BICC1: variants seen among roughly 807,000 people sequenced by gnomAD.
BICC1 encodes the protein protein bicaudal C homolog 1.
Under a neutral mutation model 111.0 loss-of-function variants are expected in BICC1, and 43 were observed. The ratio of observed to expected loss-of-function variants is 0.39; its 90% CI spans 0.30 to 0.50. The LOEUF (loss-of-function observed/expected upper bound fraction) is 0.50. BICC1 is among the 20% of genes least tolerant of loss of function. The pLI is 0.88. For synonymous variants in BICC1, 467 were observed against 434.4 expected (o/e 1.07, Z -0.93); for missense variants, 1,091 against 1,203.2 (o/e 0.91, Z 1.38).
At chr10:58,663,014 T>C (rs1025129530) in intron 2 of BICC1, among the ~76,000 whole-genome samples, 6 of 152,098 alleles carry the variant, frequency 3.9e-5, no homozygotes, top group African/African-American at 1.4e-4. Flanking sequence ...ATGTCATTTT[T>C]ATTTGTAGTT....
chr10:58,665,410 C>G (rs754910551), intron 2 of BICC1, among the ~76,000 whole-genome samples: 1 of 152,078 alleles, frequency 6.6e-6, no homozygotes, highest in Non-Finnish European at 1.5e-5. Context: ...GGCTTTTCCT[C>G]TCATATCTTT....
intron 3 of BICC1, among the ~76,000 whole-genome samples, chr10:58,782,433 A>G (rs1233545153): frequency 1.3e-5 from 2 of 152,218 alleles, no homozygotes; most frequent in African/African-American, 4.8e-5. Context: ...ATGTGGTTCA[A>G]TCTGCTGTTT....
intron 3 of BICC1, among the ~76,000 whole-genome samples, chr10:58,754,112 C>T (rs1167869359): frequency 6.6e-6 from 1 of 152,086 alleles, no homozygotes; most frequent in East Asian, 1.9e-4. Flanking sequence ...TGTTTTTGGC[C>T]ACTACAGAAA....
At chr10:58,773,156 T>C (rs1237646974) in intron 3 of BICC1, among the ~76,000 whole-genome samples, 1 of 152,190 alleles carries the variant, frequency 6.6e-6, no homozygotes, top group Non-Finnish European at 1.5e-5. Flanking sequence ...AGTTGACTTG[T>C]AGAAAAACAC....
chr10:58,576,726 C>CA (rs1185269549), intron 1 of BICC1, among the ~76,000 whole-genome samples: 2 of 152,108 alleles, frequency 1.3e-5, no homozygotes, highest in African/African-American at 2.4e-5. Context: ...AATACTGTTA[C>CA]AAAAAAACCG....
intron 9 of BICC1, among the ~76,000 whole-genome samples, chr10:58,796,069 G>A (rs967795435): frequency 4.6e-5 from 7 of 152,134 alleles, no homozygotes; most frequent in African/African-American, 1.7e-4. Context: ...ATAAGGTTTT[G>A]CTGAGAATAG....
intron 1 of BICC1, among the ~76,000 whole-genome samples, chr10:58,576,756 A>G (rs932576725): frequency 2.0e-5 from 3 of 152,226 alleles, no homozygotes; most frequent in African/African-American, 7.2e-5. Flanking sequence ...GTAAGTTCAG[A>G]TGACATTGTT....
chr10:58,634,031 G>T (rs369064978), intron 2 of BICC1, among the ~76,000 whole-genome samples: 4 of 112,676 alleles, frequency 3.6e-5, no homozygotes, highest in Admixed American at 1.2e-4. Flanking sequence ...TTTTGCTCTC[G>T]TTGCCCAAGC....
intron 1 of BICC1, among the ~76,000 whole-genome samples, chr10:58,612,952 C>T (rs921364419): frequency 1.4e-5 from 2 of 143,170 alleles, no homozygotes; most frequent in African/African-American, 5.0e-5. Flanking sequence ...TGGACTTGCT[C>T]TGTAGTTTGG....
At chr10:58,659,936 A>C (rs1224215045) in intron 2 of BICC1, among the ~76,000 whole-genome samples, 1 of 152,188 alleles carries the variant, frequency 6.6e-6, no homozygotes, top group Non-Finnish European at 1.5e-5. Flanking sequence ...ATGTAGTATT[A>C]TATTGTGCTG....
rs781359432 is a variant in BICC1 at position 58,742,619 on chromosome 10, G to A, written c.307+40476G>A. ...TGCCTGGGTAATTTTTGTATTTTTA[G>A]TAGAGATGGCGTTTCACCATATTGG... On this transcript the variant is annotated intron_variant, in intron 3 of 20. Transcript: ENST00000373886. 4.7e-4 allele frequency among the ~76,000 whole-genome samples: 71 copies of A among 151,560 alleles called. 1 individual carries two copies. Among genetic ancestry groups the A allele is most frequent in the Non-Finnish European group, 4.0e-4 (27 of 67,898 alleles).
Position 58,789,506 on chromosome 10 carries a change from G to A in BICC1, c.795+50G>A, listed in dbSNP as rs746172470. On this transcript the variant is annotated intron_variant, in intron 7 of 20. Transcript: ENST00000373886. ...CATCCTATATGTACAAGTTACATGA[G>A]TTTCATTTTTAAAGAATATTAGACT... 145 of 1,536,214 alleles carry A rather than the reference G, an allele frequency of 9.4e-5. 1 individual carries two copies. Among genetic ancestry groups the A allele is most frequent in the East Asian group, 9.0e-5 (4 of 44,272 alleles).
At chr10:58,674,283 A>G (rs1275462550) in intron 2 of BICC1, among the ~76,000 whole-genome samples, 2 of 150,494 alleles carry the variant, frequency 1.3e-5, no homozygotes, top group Non-Finnish European at 3.0e-5. Flanking sequence ...GTTACCATTT[A>G]TCCTTGTCAT....
chr10:58,600,956 G>C (rs932921116), intron 1 of BICC1, among the ~76,000 whole-genome samples: 4 of 151,612 alleles, frequency 2.6e-5, no homozygotes, highest in African/African-American at 9.7e-5. Flanking sequence ...AAAGTTGTAC[G>C]TGGATTTTCT....
chr10:58,692,191 A>G (rs534033769), intron 2 of BICC1, among the ~76,000 whole-genome samples: 1 of 152,302 alleles, frequency 6.6e-6, no homozygotes, highest in South Asian at 2.1e-4. Context: ...AGAGAGAGAG[A>G]GACAGGTGAC....
chr10:58,575,210 G>A (rs988396478), intron 1 of BICC1, among the ~76,000 whole-genome samples: 1 of 151,914 alleles, frequency 6.6e-6, no homozygotes. Context: ...AGGCCCCGGT[G>A]TATGATGTCC....
intron 8 of BICC1, among the ~76,000 whole-genome samples, chr10:58,790,598 T>C (rs1376788954): frequency 6.6e-6 from 1 of 152,082 alleles, no homozygotes; most frequent in Non-Finnish European, 1.5e-5. Context: ...GAGGCCAAGG[T>C]GGGCAGATCA....
chr10:58,513,613 G>C (rs1421538107), intron 1 of BICC1, among the ~76,000 whole-genome samples: 1 of 152,204 alleles, frequency 6.6e-6, no homozygotes, highest in Non-Finnish European at 1.5e-5. Flanking sequence ...CGCCCAAGTT[G>C]CGTTCTGGAC....
intron 1 of BICC1, among the ~76,000 whole-genome samples, chr10:58,553,458 C>T (rs1843355081): frequency 1.3e-5 from 2 of 152,124 alleles, no homozygotes; most frequent in South Asian, 4.2e-4. Context: ...AGATTATCCT[C>T]TAGAGTTTCC....
Sources: gnomAD v4.1 joint callset for allele counts (sites outside exome capture counted in the v4.1 genomes callset) on GRCh38, gnomAD v4.1.1 for gene constraint, MANE v1.5 for transcripts, NCBI Gene and HGNC (gene_info 2026-07-23, HGNC 2026-07-21) for gene names.